PMS1: variants seen among roughly 807,000 people sequenced by gnomAD.
PMS1 encodes PMS1 homolog 1, mismatch repair system component.
PMS1 carries 79 observed loss-of-function variants against 93.1 expected under a neutral mutation model. That is an observed-to-expected ratio of 0.85 (90% CI 0.71 to 1.02). PMS1 has a LOEUF of 1.02. Ranked by LOEUF, PMS1 falls within the 50% of genes least tolerant of loss-of-function variation. The pLI, the probability that PMS1 is intolerant of heterozygous loss-of-function variation, is 0.00. For missense variants in PMS1, 1,064 were observed against 1,085.3 expected (o/e 0.98, Z 0.28); for synonymous variants, 335 against 363.4 (o/e 0.92, Z 0.89).
rs549221587 is a variant in PMS1, at chr2:189,796,041, T to C, written c.315+90T>C. Reference sequence around the variant, plus strand: ...CCCAGTATTTGGTGAAGTATGGTTTTAATTATTTTTATTATGGTAAAATAT... The same window carrying C: ...CCCAGTATTTGGTGAAGTATGGTTTCAATTATTTTTATTATGGTAAAATAT... On this transcript the variant is annotated intron_variant, in intron 3 of 12. Transcript: ENST00000441310. 3.1e-6 allele frequency: 3 copies of C among 975,054 alleles called. No homozygotes were observed. The Admixed American group carries it at 5.2e-5, about 17-fold the overall frequency. 60.4% of individuals were successfully genotyped at this position (975,054 alleles called of 1,614,324 possible). A position where few individuals can be genotyped will look rare whatever the true frequency, so the allele number is the denominator to read the frequency against.
intron 9 of PMS1, among the ~76,000 whole-genome samples, chr2:189,856,246 C>T (rs1344413293): frequency 6.6e-6 from 1 of 151,596 alleles, no homozygotes; most frequent in Admixed American, 6.6e-5. Context: ...AGCCATTACC[C>T]CATTTCACCA....
intron 12 of PMS1, among the ~76,000 whole-genome samples, chr2:189,874,191 G>A (rs972124179): frequency 6.6e-6 from 1 of 151,650 alleles, no homozygotes; most frequent in South Asian, 2.1e-4. Flanking sequence ...CATTTTCTTG[G>A]GTACATATTG....
At chr2:189,795,989 T>G in intron 3 of PMS1, 38 bp downstream of exon 3, 2 of 1,303,362 alleles carry the variant, frequency 1.5e-6, no homozygotes, top group Non-Finnish European at 2.2e-6. Context: ...TGATTTCATA[T>G]TCACTGAACA....
intron 6 of PMS1, among the ~76,000 whole-genome samples, chr2:189,846,870 T>C (rs1442127992): frequency 6.6e-6 from 1 of 151,522 alleles, no homozygotes; most frequent in Non-Finnish European, 1.5e-5. Context: ...TTTCTTTTTT[T>C]TTTTTTTCTG....
chr2:189,867,785 A>G lies in PMS1; in HGVS notation c.2343-14A>G. On this transcript the variant is annotated splice_polypyrimidine_tract_variant and intron_variant, in intron 10 of 12. Coordinates refer to ENST00000441310, the MANE Select transcript of PMS1 (RefSeq NM_000534.5). Reference sequence around the variant, plus strand: ...TGTTTTTAATAAGTTAAAGGGCCATAATTTCTTTTTCAGTCTTTTTAATGG... The same window carrying G: ...TGTTTTTAATAAGTTAAAGGGCCATGATTTCTTTTTCAGTCTTTTTAATGG... 2.6e-6 allele frequency: 4 copies of G among 1,553,590 alleles called. No individual in the cohort carries two copies. The highest frequency in any genetic ancestry group is 3.6e-6 in the Non-Finnish European group (4 of 1,125,854).
intron 1 of PMS1, among the ~76,000 whole-genome samples, chr2:189,791,056 C>T (rs566318169): frequency 6.6e-6 from 1 of 151,748 alleles, no homozygotes; most frequent in South Asian, 2.1e-4. Context: ...CAATTTCTTC[C>T]TCTAATGTTA....
At chr2:189,802,709 AC>A (rs1195067862) in intron 3 of PMS1, among the ~76,000 whole-genome samples, 4 of 152,202 alleles carry the variant, frequency 2.6e-5, no homozygotes, top group African/African-American at 7.2e-5. Context: ...GGGCCCACAT[AC>A]TATAAAAGGG....
intron 6 of PMS1, among the ~76,000 whole-genome samples, chr2:189,846,652 C>A (rs887848291): frequency 6.6e-6 from 1 of 152,184 alleles, no homozygotes; most frequent in Non-Finnish European, 1.5e-5. Flanking sequence ...GCACTCCAGC[C>A]TCGGCCAGAA....
chr2:189,790,422 T>C (rs1230936878), intron 1 of PMS1, among the ~76,000 whole-genome samples: 1 of 152,216 alleles, frequency 6.6e-6, no homozygotes, highest in African/African-American at 2.4e-5. Flanking sequence ...AAGAAATCTT[T>C]TTAGAACATG....
rs527546901 is a variant in PMS1 at position 189,846,550 on chromosome 2, G to T, written c.699+2470G>T. ...ACAAACTAGTCAAGCATGGTAGTACGTGCCTGTAGTCCCAGCTACTTGGGA... is the reference window on the plus strand; with the variant it reads ...ACAAACTAGTCAAGCATGGTAGTACTTGCCTGTAGTCCCAGCTACTTGGGA... On this transcript the variant is annotated intron_variant, in intron 6 of 12. Coordinates refer to ENST00000441310, the MANE Select transcript of PMS1 (RefSeq NM_000534.5). Among the ~76,000 whole-genome samples, 4 of 149,188 alleles carry T rather than the reference G, an allele frequency of 2.7e-5. 1 individual carries two copies. The highest frequency in any genetic ancestry group is 2.6e-4 in the Admixed American group (4 of 15,172).
intron 5 of PMS1, among the ~76,000 whole-genome samples, chr2:189,837,458 G>A (rs1027181123): frequency 6.6e-6 from 1 of 152,116 alleles, no homozygotes; most frequent in African/African-American, 2.4e-5. Context: ...TGAAGCAGGG[G>A]ACATTTCATT....
rs146681378 is a variant in PMS1, at chr2:189,827,079, A to G, written c.582+8899A>G. On this transcript the variant is annotated intron_variant, in intron 5 of 12. Coordinates refer to ENST00000441310, the MANE Select transcript of PMS1 (RefSeq NM_000534.5). ...TACATCTTCTTTAGAACTAATAAAG[A>G]ATCATATAAAGACTGCATGGATGGG... Among the ~76,000 whole-genome samples, 1,055 of 152,304 alleles carry G rather than the reference A, an allele frequency of 6.9e-3. 5 individuals are homozygous for G. Among genetic ancestry groups the G allele is most frequent in the Non-Finnish European group, 0.012 (797 of 68,004 alleles).
intron 5 of PMS1, among the ~76,000 whole-genome samples, chr2:189,821,947 T>C (rs1272336681): frequency 6.6e-6 from 1 of 152,170 alleles, no homozygotes. Flanking sequence ...TTTGAGAGGT[T>C]TATATCATTT....
chr2:189,809,509 A>G (rs942402484), intron 4 of PMS1, among the ~76,000 whole-genome samples: 1 of 140,978 alleles, frequency 7.1e-6, no homozygotes, highest in Non-Finnish European at 1.5e-5. Context: ...GAATCAGAAA[A>G]GACTTTTCCA....
intron 5 of PMS1, among the ~76,000 whole-genome samples, chr2:189,821,835 TAAA>T (rs1018534757): frequency 1.3e-5 from 2 of 152,054 alleles, no homozygotes; most frequent in Non-Finnish European, 2.9e-5. Context: ...AAATAATAGG[TAAA>T]AACAAGATTA....
chr2:189,820,909 A>AT (rs1450111601), intron 5 of PMS1, among the ~76,000 whole-genome samples: 1 of 152,140 alleles, frequency 6.6e-6, no homozygotes, highest in Non-Finnish European at 1.5e-5. Context: ...TCTTGTTGGC[A>AT]TAGAGCTCAA....
chr2:189,868,069 T>G (rs1326586550), intron 11 of PMS1, 140 bp downstream of exon 11: 2 of 744,528 alleles, frequency 2.7e-6, no homozygotes, highest in Non-Finnish European at 4.7e-6. Context: ...GTTAAAACAT[T>G]TTTTTCAAAA....
chr2:189,840,932 G>C (rs2053770321), intron 5 of PMS1, among the ~76,000 whole-genome samples: 1 of 152,092 alleles, frequency 6.6e-6, no homozygotes, highest in Non-Finnish European at 1.5e-5. Flanking sequence ...CCCTCAATTG[G>C]AGATTACACA....
chr2:189,800,228 C>A (rs1345498520), intron 3 of PMS1, among the ~76,000 whole-genome samples: 2 of 152,122 alleles, frequency 1.3e-5, no homozygotes, highest in Admixed American at 1.3e-4. Context: ...TAATTTCATG[C>A]CTTTCAGTAA....
Sources: gnomAD v4.1 joint callset for allele counts (sites outside exome capture counted in the v4.1 genomes callset) on GRCh38, gnomAD v4.1.1 for gene constraint, MANE v1.5 for transcripts, NCBI Gene and HGNC (gene_info 2026-07-23, HGNC 2026-07-21) for gene names.